MRC1: variants seen among roughly 807,000 people sequenced by gnomAD.
MRC1 encodes macrophage mannose receptor 1.
Under a neutral mutation model 102.9 loss-of-function variants are expected in MRC1, and 62 were observed. The observed-to-expected ratio is 0.60, with a 90% CI of 0.49 to 0.74. MRC1 has a LOEUF of 0.74. MRC1 is among the 30% of genes least tolerant of loss of function. The pLI is 0.00. For missense variants in MRC1, 1,237 were observed against 862.8 expected, an observed-to-expected ratio of 1.43 and a Z score of -5.43; for synonymous variants, 457 against 298.4, an observed-to-expected ratio of 1.53 and a Z score of -5.48.
rs1044657096 is a variant in MRC1 at position 17,845,088 on chromosome 10, T to A, written c.917-201T>A. 3 of 775,384 alleles carry A rather than the reference T, an allele frequency of 3.9e-6. No individual in the cohort carries two copies. In the South Asian group the frequency reaches 4.1e-5, roughly 11 times the overall value. 48.0% of individuals were successfully genotyped at this position (775,384 alleles called of 1,614,324 possible). On this transcript the variant is annotated intron_variant, in intron 5 of 29. Coordinates refer to ENST00000569591, the MANE Select transcript of MRC1 (RefSeq NM_002438.4). ...TTTATCAACATTCTAAGTATTGGAA[T>A]GATCCAACGATAAGAAAACAATAGA...
At chr10:17,825,950 A>G (rs1049030945) in intron 2 of MRC1, among the ~76,000 whole-genome samples, 1 of 152,240 alleles carries the variant, frequency 6.6e-6, no homozygotes. Flanking sequence ...GACCATTCCC[A>G]TAACTTAGTG....
chr10:17,845,103 A>C, intron 5 of MRC1, 186 bp from the exon 6 acceptor site: 1 of 777,650 alleles, frequency 1.3e-6, no homozygotes, highest in South Asian at 1.4e-5. Context: ...CAACGATAAG[A>C]AAACAATAGA....
intron 10 of MRC1, among the ~76,000 whole-genome samples, chr10:17,862,061 A>G (rs2130661764): frequency 6.6e-6 from 1 of 152,310 alleles, no homozygotes; most frequent in African/African-American, 2.4e-5. Context: ...TACTCTATGC[A>G]AAGCTCTGGA....
intron 25 of MRC1, 88 bp downstream of exon 25, chr10:17,901,041 G>T: frequency 1.4e-6 from 1 of 724,480 alleles, no homozygotes; most frequent in Non-Finnish European, 2.5e-6. Context: ...AAACAGTAAT[G>T]TGTCTTGGAT....
At chr10:17,843,863 G>A (rs34965408) in intron 5 of MRC1, among the ~76,000 whole-genome samples, 18,066 of 152,126 alleles carry the variant, frequency 0.12, 1,091 homozygotes, top group Middle Eastern at 0.17. Context: ...GAAAGGAAGT[G>A]ACATTCAGGC....
At chr10:17,888,606 T>C (rs1432972289) in intron 22 of MRC1, among the ~76,000 whole-genome samples, 9 of 152,232 alleles carry the variant, frequency 5.9e-5, no homozygotes, top group African/African-American at 2.2e-4. Context: ...TCTAGTTTAA[T>C]TCCATTGTGG....
chr10:17,822,848 C>G (rs1450284461), intron 1 of MRC1, among the ~76,000 whole-genome samples: 24 of 152,268 alleles, frequency 1.6e-4, no homozygotes, highest in Admixed American at 1.6e-3. Context: ...CAGCTGAGGG[C>G]TGGTACCTTG....
Position 17,910,392 on chromosome 10 carries a change from A to T in MRC1, c.4298A>T (p.Gln1433Leu). 1 of 780,852 alleles carries T rather than the reference A, an allele frequency of 1.3e-6. No homozygotes were observed. The highest frequency in any genetic ancestry group is 2.4e-6 in the Non-Finnish European group (1 of 417,950). The allele number at this position is 780,852 out of a possible 1,614,324, so 48.4% of individuals were successfully genotyped here. A position where few individuals can be genotyped will look rare whatever the true frequency, so the allele number is the denominator to read the frequency against. The change falls in exon 30 of 30, where the codon CAG becomes CTG. Residue 1433 changes from glutamine (Q) to leucine (L), a missense_variant. By Grantham distance (113) the Gln-to-Leu change is moderately radical. Coordinates refer to ENST00000569591, the MANE Select transcript of MRC1 (RefSeq NM_002438.4). The part of the protein sequence containing the change: ...AFENTLYFNS[Q>L]SSPGTSDMKD... ...GAAAACACTCTGTATTTTAACAGTC[A>T]GTCAAGCCCAGGAACTAGTGATATG... is the stretch of plus-strand genomic sequence containing the variant.
Position 17,845,431 on chromosome 10 carries a change from C to T in MRC1, c.1059C>T (p.Pro353=). 1 of 780,766 alleles carries T rather than the reference C, an allele frequency of 1.3e-6. No individual in the cohort carries two copies. The highest frequency in any genetic ancestry group is 2.4e-6 in the Non-Finnish European group (1 of 417,952). The allele number at this position is 780,766 out of a possible 1,614,324, so 48.4% of individuals were successfully genotyped here. The stretch of plus-strand genomic sequence containing the variant: ...CCACTTTAAATTCTTTTGTTATTCC[C>T]TCAGGTAAGTGATCTATGGGATCTG... ...GNTTLNSFVI[P]SESDVPTHCP... Residue 353 remains proline, a synonymous_variant, in exon 6 of 30, where the codon CCC becomes CCT. Coordinates refer to ENST00000569591, the MANE Select transcript of MRC1 (RefSeq NM_002438.4).
intron 9 of MRC1, among the ~76,000 whole-genome samples, chr10:17,856,671 G>A (rs941472826): frequency 6.6e-6 from 1 of 152,058 alleles, no homozygotes; most frequent in Non-Finnish European, 1.5e-5. Context: ...CACGGGAGAA[G>A]GTGTCATCCA....
intron 21 of MRC1, among the ~76,000 whole-genome samples, chr10:17,882,380 A>T (rs1001616260): frequency 0.035 from 5,392 of 152,158 alleles, 307 homozygotes; most frequent in African/African-American, 0.12. Context: ...GGCCATTGTT[A>T]CAGAACAATG....
At chr10:17,838,312 G>C (rs938863338) in intron 4 of MRC1, among the ~76,000 whole-genome samples, 293 of 152,216 alleles carry the variant, frequency 1.9e-3, no homozygotes, top group Non-Finnish European at 3.3e-3. Flanking sequence ...AAATGTTTCT[G>C]CCTGGCAACA....
rs1422949701 is a variant in MRC1, at chr10:17,809,747, GT to G, written c.61+223del. Reference sequence around the variant, plus strand: ...GGAGGAGGATGCGTCTCAGGTCTCGGTTGCTGCCCTGCCGGGAACCCTACAG... The same window carrying G: ...GGAGGAGGATGCGTCTCAGGTCTCGGTGCTGCCCTGCCGGGAACCCTACAG... On this transcript the variant is annotated intron_variant, in intron 1 of 29. Coordinates refer to ENST00000569591, the MANE Select transcript of MRC1 (RefSeq NM_002438.4). Among the ~76,000 whole-genome samples the G allele has an allele frequency of 2.6e-5, 4 of 152,316 alleles. No individual in the cohort carries two copies. The East Asian group carries it at 7.7e-4, about 29-fold the overall frequency.
At chr10:17,854,361 A>G (rs1306928712) in intron 8 of MRC1, among the ~76,000 whole-genome samples, 3 of 152,050 alleles carry the variant, frequency 2.0e-5, no homozygotes, top group African/African-American at 7.2e-5. Flanking sequence ...TGTGGCTGTT[A>G]TTTTTGTCAT....
intron 23 of MRC1, among the ~76,000 whole-genome samples, chr10:17,894,924 G>C (rs1833734566): frequency 6.6e-6 from 1 of 152,124 alleles, no homozygotes; most frequent in African/African-American, 2.4e-5. Flanking sequence ...TGTAATCCCA[G>C]CACTTTTGAA....
intron 3 of MRC1, among the ~76,000 whole-genome samples, chr10:17,831,893 T>C (rs1838579805): frequency 6.6e-6 from 1 of 151,672 alleles, no homozygotes. Context: ...CAACCAGGTT[T>C]ATGGAATTTA....
At chr10:17,909,169 C>T (rs1262920507) in intron 28 of MRC1, 137 bp from the exon 29 acceptor site, 1 of 667,828 alleles carries the variant, frequency 1.5e-6, no homozygotes, top group East Asian at 2.7e-5. Flanking sequence ...ATTTTTATAT[C>T]TATCATATCA....
chr10:17,850,565 G>A (rs1277794675), intron 7 of MRC1, among the ~76,000 whole-genome samples: 2 of 152,188 alleles, frequency 1.3e-5, no homozygotes, highest in African/African-American at 4.8e-5. Context: ...TCCCGAAGAT[G>A]AGCGGCTTGA....
At chr10:17,857,865 G>T (rs923425027) in intron 9 of MRC1, among the ~76,000 whole-genome samples, 1 of 152,146 alleles carries the variant, frequency 6.6e-6, no homozygotes, top group South Asian at 2.1e-4. Context: ...TGCTATCAGT[G>T]TGGGAAACCC....
Sources: gnomAD v4.1 joint callset for allele counts (sites outside exome capture counted in the v4.1 genomes callset) on GRCh38, gnomAD v4.1.1 for gene constraint, MANE v1.5 for transcripts, NCBI Gene and HGNC (gene_info 2026-07-23, HGNC 2026-07-21) for gene names.